The following SEPTIN11 variants were observed in gnomAD, a reference collection of about 807,000 sequenced individuals.
SEPTIN11 encodes septin 11, also known as septin-11.
Under a neutral mutation model 51.4 loss-of-function variants are expected in SEPTIN11, and 25 were observed. The observed-to-expected ratio is 0.49, with a 90% CI of 0.35 to 0.68. SEPTIN11 has a LOEUF of 0.68. Among genes scored for constraint, SEPTIN11 ranks in the 30% least tolerant of loss-of-function variants. The probability of loss-of-function intolerance (pLI) is 0.00; values close to 1 mark genes in which losing one functional copy is unlikely to be tolerated. For synonymous variants in SEPTIN11, 174 were observed against 184.1 expected, an observed-to-expected ratio of 0.95 and a Z score of 0.44; for missense variants, 381 against 520.8, an observed-to-expected ratio of 0.73 and a Z score of 2.61.
intron 9 of SEPTIN11, among the ~76,000 whole-genome samples, chr4:77,033,921 G>A (rs1481012038): frequency 6.6e-6 from 1 of 152,146 alleles, no homozygotes; most frequent in African/African-American, 2.4e-5. Context: ...ACCTAAAAGA[G>A]GGGGAAAGCT....
intron 1 of SEPTIN11, among the ~76,000 whole-genome samples, chr4:76,961,799 C>A (rs1721833801): frequency 6.6e-6 from 1 of 152,130 alleles, no homozygotes; most frequent in Non-Finnish European, 1.5e-5. Context: ...GTAAGTTGAA[C>A]CATTGTAACT....
At chr4:76,958,914 C>G (rs771172894) in intron 1 of SEPTIN11, 44 of 1,431,240 alleles carry the variant, frequency 3.1e-5, no homozygotes, top group Non-Finnish European at 4.3e-5. Context: ...GAAAATTCAC[C>G]CACCTTTTGT....
At position 76,964,616 on chromosome 4, in the gene SEPTIN11, T is replaced by C. The variant is rs374204699; in HGVS notation, c.27+14686T>C. Among the ~76,000 whole-genome samples, 5 of 152,270 alleles carry C rather than the reference T, an allele frequency of 3.3e-5. No individual in the cohort carries two copies. In the East Asian group the frequency reaches 5.8e-4, roughly 18 times the overall value. ...AAAGTTATGGTTTAACAAAGATAGG[T>C]CATGAGTATTCAGATACGTGATACT... On this transcript the variant is annotated intron_variant, in intron 1 of 9. Coordinates refer to ENST00000264893, the MANE Select transcript of SEPTIN11 (RefSeq NM_018243.4).
intron 6 of SEPTIN11, among the ~76,000 whole-genome samples, chr4:77,019,616 G>T (rs1012353836): frequency 6.6e-6 from 1 of 152,180 alleles, no homozygotes; most frequent in South Asian, 2.1e-4. Flanking sequence ...GCAAACAAGA[G>T]GGTACTTTTT....
chr4:76,987,852 C>T, intron 1 of SEPTIN11: 1 of 979,544 alleles, frequency 1.0e-6, no homozygotes, highest in Non-Finnish European at 1.2e-6. Flanking sequence ...CAGAAAAAGA[C>T]ATGACCTAAG....
intron 2 of SEPTIN11, among the ~76,000 whole-genome samples, chr4:77,000,833 C>T (rs575844163): frequency 6.6e-6 from 1 of 152,126 alleles, no homozygotes; most frequent in Non-Finnish European, 1.5e-5. Context: ...AAAGGTGATT[C>T]TATGAGGAAC....
At chr4:76,952,409 C>T (rs1024230455) in intron 1 of SEPTIN11, among the ~76,000 whole-genome samples, 1 of 152,130 alleles carries the variant, frequency 6.6e-6, no homozygotes, top group Non-Finnish European at 1.5e-5. Flanking sequence ...GCGATAACTA[C>T]CTCTCCCCGC....
chr4:77,001,139 G>A (rs1349308251), intron 2 of SEPTIN11, among the ~76,000 whole-genome samples: 1 of 152,142 alleles, frequency 6.6e-6, no homozygotes, highest in African/African-American at 2.4e-5. Flanking sequence ...GCTTTCCCCT[G>A]TGATGTGGGC....
chr4:77,018,487 G>C (rs950853768), intron 5 of SEPTIN11, among the ~76,000 whole-genome samples: 3 of 151,850 alleles, frequency 2.0e-5, no homozygotes, highest in African/African-American at 7.3e-5. Flanking sequence ...AGGTCTTTGA[G>C]ATCCAGTGTA....
At chr4:76,998,831 GTCTCAC>G (rs1240905026) in intron 2 of SEPTIN11, among the ~76,000 whole-genome samples, 2 of 152,010 alleles carry the variant, frequency 1.3e-5, no homozygotes, top group African/African-American at 4.8e-5. Context: ...TTCCTGACAC[GTCTCAC>G]CAAACAGTCA....
intron 1 of SEPTIN11, among the ~76,000 whole-genome samples, chr4:76,989,901 G>A (rs1294451284): frequency 6.6e-6 from 1 of 152,192 alleles, no homozygotes; most frequent in African/African-American, 2.4e-5. Context: ...CTGCCGGTTG[G>A]TTTGTGGTCT....
At chr4:76,982,128 C>T (rs972943665) in intron 1 of SEPTIN11, among the ~76,000 whole-genome samples, 17 of 152,144 alleles carry the variant, frequency 1.1e-4, no homozygotes, top group Admixed American at 5.2e-4. Flanking sequence ...CTTTGGGCCT[C>T]TTTCCTTTTC....
chr4:77,036,886 T>A lies in SEPTIN11; in HGVS notation c.*2374T>A. On this transcript the variant is annotated 3_prime_UTR_variant, in exon 10 of 10. Transcript: ENST00000264893. Reference sequence around the variant, plus strand: ...TTGAGATCTTTCTGACTTTTCAAAATTAGAGAAAGCAAATGGGATGGATAG... The same window carrying A: ...TTGAGATCTTTCTGACTTTTCAAAAATAGAGAAAGCAAATGGGATGGATAG... 1 of 1,403,184 alleles carries A rather than the reference T, an allele frequency of 7.1e-7. No homozygotes were observed. Among genetic ancestry groups the A allele is most frequent in the Non-Finnish European group, 9.2e-7 (1 of 1,085,358 alleles). 86.9% of individuals were successfully genotyped at this position (1,403,184 alleles called of 1,614,324 possible).
At chr4:77,012,450 T>C (rs1357668871) in intron 4 of SEPTIN11, among the ~76,000 whole-genome samples, 1 of 152,214 alleles carries the variant, frequency 6.6e-6, no homozygotes, top group Non-Finnish European at 1.5e-5. Flanking sequence ...ACTGGTAAGT[T>C]TGATAAAATT....
intron 2 of SEPTIN11, among the ~76,000 whole-genome samples, chr4:77,004,912 G>A (rs955945448): frequency 5.3e-5 from 8 of 152,130 alleles, no homozygotes; most frequent in Admixed American, 1.3e-4. Context: ...GCAGTGAGCC[G>A]AGATCGCGCC....
chr4:76,949,781 G>C lies in SEPTIN11; in HGVS notation c.-123G>C, dbSNP rs576818137. On this transcript the variant is annotated 5_prime_UTR_variant, in exon 1 of 10. Transcript: ENST00000264893. ...AGATGCCGCTGGCTGCCAGCGGGAC[G>C]CCGGCGAGCAGAGCGCAGCCGCGAG... 9 of 1,072,478 alleles carry C rather than the reference G, an allele frequency of 8.4e-6. No homozygotes were observed. Among genetic ancestry groups the C allele is most frequent in the African/African-American group, 1.7e-5 (1 of 59,774 alleles). The allele number at this position is 1,072,478 out of a possible 1,614,324, so 66.4% of individuals were successfully genotyped here.
chr4:77,005,453 A>G (rs748662954), intron 2 of SEPTIN11, 148 bp from the exon 3 acceptor site: 4 of 657,810 alleles, frequency 6.1e-6, no homozygotes, highest in Non-Finnish European at 7.5e-6. Context: ...TTACACATAG[A>G]AAGAATTATC....
chr4:77,026,553 G>C (rs1726158072), intron 7 of SEPTIN11, among the ~76,000 whole-genome samples: 1 of 152,158 alleles, frequency 6.6e-6, no homozygotes, highest in Non-Finnish European at 1.5e-5. Context: ...CATGCACTGT[G>C]AATCTGCTAA....
At chr4:76,995,859 G>A in intron 1 of SEPTIN11, 3 of 1,535,614 alleles carry the variant, frequency 2.0e-6, no homozygotes, top group Non-Finnish European at 2.6e-6. Context: ...GGGGGAAGAA[G>A]ACTCAAGAAA....
Sources: gnomAD v4.1 joint callset for allele counts (sites outside exome capture counted in the v4.1 genomes callset) on GRCh38, gnomAD v4.1.1 for gene constraint, MANE v1.5 for transcripts, NCBI Gene and HGNC (gene_info 2026-07-23, HGNC 2026-07-21) for gene names.